The following TENM2 variants were observed in gnomAD, a reference collection of about 807,000 sequenced individuals.
TENM2 encodes teneurin-2.
TENM2 carries 52 observed loss-of-function variants against 245.2 expected under a neutral mutation model. That is an observed-to-expected ratio of 0.21 (90% CI 0.17 to 0.27). TENM2 has a LOEUF of 0.27. Among genes scored for constraint, TENM2 ranks in the 10% least tolerant of loss-of-function variants. The pLI is 1.00. For missense variants in TENM2, 3,046 were observed against 3,666.8 expected, an observed-to-expected ratio of 0.83 and a Z score of 4.37; for synonymous variants, 1,363 against 1,438.9, an observed-to-expected ratio of 0.95 and a Z score of 1.19.
chr5:167,013,698 C>A, the TENM2 span, among the ~76,000 whole-genome samples: 1 of 152,070 alleles, frequency 6.6e-6, no homozygotes, highest in Admixed American at 6.6e-5. Context: ...CAGGGCGAGA[C>A]TCCGTCTCAA....
At chr5:167,252,893 T>G in the TENM2 span, among the ~76,000 whole-genome samples, 1 of 152,174 alleles carries the variant, frequency 6.6e-6, no homozygotes, top group South Asian at 2.1e-4. Context: ...TATGTTCAGC[T>G]GGATGCTTGA....
chr5:167,629,389 T>C (rs1778719428), intron 2 of TENM2, among the ~76,000 whole-genome samples: 1 of 152,368 alleles, frequency 6.6e-6, no homozygotes, highest in South Asian at 2.1e-4. Context: ...CTTGGCATGT[T>C]TGAAAGGCTC....
chr5:168,234,809 G>T (rs111460788), intron 25 of TENM2, among the ~76,000 whole-genome samples: 29 of 152,320 alleles, frequency 1.9e-4, no homozygotes, highest in African/African-American at 6.7e-4. Context: ...GATTGCAGAA[G>T]CAAGAAACAG....
At chr5:168,191,129 A>T (rs1760917808) in intron 14 of TENM2, among the ~76,000 whole-genome samples, 1 of 152,126 alleles carries the variant, frequency 6.6e-6, no homozygotes, top group African/African-American at 2.4e-5. Context: ...GTGCCACTGC[A>T]TTTCACCCCT....
At chr5:167,063,457 T>C in the TENM2 span, among the ~76,000 whole-genome samples, 1 of 152,202 alleles carries the variant, frequency 6.6e-6, no homozygotes, top group Admixed American at 6.5e-5. Flanking sequence ...CCTGGAACGA[T>C]GTCTGTGTAT....
At chr5:167,071,434 G>A in the TENM2 span, among the ~76,000 whole-genome samples, 26 of 152,188 alleles carry the variant, frequency 1.7e-4, no homozygotes, top group South Asian at 1.0e-3. Flanking sequence ...TCAAAGAACC[G>A]TATTCCTTTG....
intron 2 of TENM2, among the ~76,000 whole-genome samples, chr5:167,496,922 G>A (rs999859075): frequency 4.0e-5 from 6 of 151,594 alleles, no homozygotes; most frequent in Non-Finnish European, 8.8e-5. Context: ...TAAAAACAAG[G>A]ACAGTGTAAA....
chr5:167,348,515 A>G (rs1322239955), intron 1 of TENM2, among the ~76,000 whole-genome samples: 3 of 152,144 alleles, frequency 2.0e-5, no homozygotes, highest in Admixed American at 1.3e-4. Flanking sequence ...ACTGTGACTG[A>G]CAGCTGTTTC....
chr5:167,416,181 G>T lies in TENM2; in HGVS notation c.502+40708G>T, dbSNP rs1200925127. On this transcript the variant is annotated intron_variant, in intron 2 of 28. Coordinates refer to ENST00000518659, the Ensembl canonical transcript of TENM2. ...ACTTCTTAGCCATTGGCATTTGGAT[G>T]ATTTTCAGGGAATAAGCCAGTGTGT... 1.3e-5 allele frequency among the ~76,000 whole-genome samples: 2 copies of T among 152,162 alleles called. 1 individual carries two copies. The highest frequency in any genetic ancestry group is 3.9e-4 in the East Asian group (2 of 5,176).
chr5:167,046,204 C>G, the TENM2 span, among the ~76,000 whole-genome samples: 1 of 152,088 alleles, frequency 6.6e-6, no homozygotes, highest in Non-Finnish European at 1.5e-5. Flanking sequence ...GTGGACGTCT[C>G]TCACCTCTCC....
chr5:167,604,398 A>G (rs529715175), intron 2 of TENM2, among the ~76,000 whole-genome samples: 141 of 152,262 alleles, frequency 9.3e-4, no homozygotes, highest in African/African-American at 3.0e-3. Flanking sequence ...ATTTTTTTCA[A>G]TCTCTTCATT....
At chr5:168,052,134 A>T (rs1340821001) in intron 6 of TENM2, among the ~76,000 whole-genome samples, 1 of 151,982 alleles carries the variant, frequency 6.6e-6, no homozygotes, top group Non-Finnish European at 1.5e-5. Context: ...GCAGTGGCTC[A>T]TGCCTGTAAT....
intron 12 of TENM2, among the ~76,000 whole-genome samples, chr5:168,157,919 GTGT>G (rs1003829131): frequency 2.0e-5 from 3 of 151,832 alleles, no homozygotes; most frequent in Non-Finnish European, 4.4e-5. Flanking sequence ...GTTGTTGTTG[GTGT>G]TGTTGTTGTT....
intron 3 of TENM2, among the ~76,000 whole-genome samples, chr5:167,942,026 G>C (rs550581187): frequency 3.9e-5 from 6 of 152,078 alleles, no homozygotes; most frequent in Admixed American, 3.3e-4. Context: ...TGGCCAACAC[G>C]GGGAAACCCC....
At chr5:167,925,965 TGGGAGGA>T (rs1281812640) in intron 3 of TENM2, among the ~76,000 whole-genome samples, 3 of 151,848 alleles carry the variant, frequency 2.0e-5, no homozygotes, top group Non-Finnish European at 2.9e-5. Context: ...GGGAATAGGG[TGGGAGGA>T]GGGAGAGGAG....
chr5:168,244,442 C>A lies in TENM2; in HGVS notation c.5543C>A (p.Ser1848Tyr). The A allele has an allele frequency of 6.4e-7, 1 of 1,564,058 alleles. No individual in the cohort carries two copies. The highest frequency in any genetic ancestry group is 8.7e-7 in the Non-Finnish European group (1 of 1,147,862). ...TAGGTCCATGGAAGAAATCTCTTGTCCATTGACTATGATCGAAATATTCGG... is the reference window on the plus strand; with the variant it reads ...TAGGTCCATGGAAGAAATCTCTTGTACATTGACTATGATCGAAATATTCGG... The change falls in exon 26 of 29, where the codon TCC becomes TAC. Residue 1848 changes from serine (S) to tyrosine (Y), a missense_variant. Ser to Tyr is a moderately radical substitution (Grantham distance 144, BLOSUM62 -2). Around this residue, in one of 2 missense-constraint regions of TENM2, gnomAD observed 2,704 missense variants for 3,331.9 expected, o/e 0.81. Coordinates refer to ENST00000518659, the Ensembl canonical transcript of TENM2. The surrounding 1 kb of genome is among the most constrained non-coding windows in gnomAD (Gnocchi z 4.9).
At chr5:167,260,292 G>GA in the TENM2 span, among the ~76,000 whole-genome samples, 3,133 of 151,260 alleles carry the variant, frequency 0.021, 122 homozygotes, top group East Asian at 0.2. Flanking sequence ...CTTTTTGGAG[G>GA]AAAAAAATCA....
At chr5:167,587,009 T>C (rs1775548757) in intron 2 of TENM2, among the ~76,000 whole-genome samples, 1 of 152,206 alleles carries the variant, frequency 6.6e-6, no homozygotes, top group Non-Finnish European at 1.5e-5. Context: ...GTGTAAAATA[T>C]GGATTGCCTT....
chr5:167,366,573 A>G (rs1319267216), intron 1 of TENM2, among the ~76,000 whole-genome samples: 2 of 152,184 alleles, frequency 1.3e-5, no homozygotes, highest in Non-Finnish European at 2.9e-5. Context: ...TTCTAAGACT[A>G]TCTGGTCGAC....
Sources: gnomAD v4.1 joint callset for allele counts (sites outside exome capture counted in the v4.1 genomes callset) on GRCh38, gnomAD v4.1.1 for gene constraint, gnomAD v4.1.1 regional missense constraint, Gnocchi (gnomAD v3.1) non-coding constraint, MANE v1.5 for transcripts, NCBI Gene and HGNC (gene_info 2026-07-23, HGNC 2026-07-21) for gene names.